NCR1: variants seen among roughly 807,000 people sequenced by gnomAD.
NCR1 encodes the protein NK cell-activating receptor.
In NCR1, 30 loss-of-function variants were observed where a neutral mutation model predicts 32.5. That is an observed-to-expected ratio of 0.92 (90% CI 0.69 to 1.25). The LOEUF (loss-of-function observed/expected upper bound fraction) is 1.25. Ranked by LOEUF, NCR1 falls within the 50% of genes most tolerant of loss-of-function variation. The pLI is 0.00. For missense variants in NCR1, 369 were observed against 380.7 expected (o/e 0.97, Z 0.26); for synonymous variants, 169 against 143.4 (o/e 1.18, Z -1.28).
At chr19:54,928,056 C>T in the NCR1 span, among the ~76,000 whole-genome samples, 1 of 152,116 alleles carries the variant, frequency 6.6e-6, no homozygotes, top group African/African-American at 2.4e-5. Context: ...GGCAAAACCC[C>T]ATCTCTACAA....
the NCR1 span, chr19:54,923,848 C>T: frequency 1.2e-6 from 2 of 1,614,012 alleles, no homozygotes; most frequent in African/African-American, 2.7e-5. Flanking sequence ...TCTTGATTTC[C>T]AAATTAGTTT....
chr19:54,929,837 G>T, the NCR1 span, among the ~76,000 whole-genome samples: 1 of 151,974 alleles, frequency 6.6e-6, no homozygotes, highest in African/African-American at 2.4e-5. Flanking sequence ...GAAATTGGCC[G>T]GGCGTGGTGG....
chr19:54,919,723 C>CA (rs1043487828), downstream of NCR1, among the ~76,000 whole-genome samples: 2 of 147,906 alleles, frequency 1.4e-5, 1 homozygote, highest in Non-Finnish European at 3.0e-5. Context: ...GACCCCCCCC[C>CA]CCACCCGCTG....
chr19:54,917,563 C>T (rs1338969911), downstream of NCR1, among the ~76,000 whole-genome samples: 2 of 152,142 alleles, frequency 1.3e-5, no homozygotes, highest in African/African-American at 2.4e-5. Flanking sequence ...TCATGTGATC[C>T]GCCCACCTTG....
At chr19:54,907,051 T>C (rs1305098636) in intron 3 of NCR1, among the ~76,000 whole-genome samples, 2 of 152,056 alleles carry the variant, frequency 1.3e-5, no homozygotes, top group Non-Finnish European at 2.9e-5. Context: ...TAGATATTTG[T>C]ATGCAGGGGT....
At chr19:54,918,139 G>A (rs1274725429), downstream of NCR1, among the ~76,000 whole-genome samples, 1 of 152,000 alleles carries the variant, frequency 6.6e-6, no homozygotes, top group Non-Finnish European at 1.5e-5. Flanking sequence ...GTTTCACCAT[G>A]TTAGCCAGGA....
At chr19:54,936,875 A>G in the NCR1 span, among the ~76,000 whole-genome samples, 1 of 151,814 alleles carries the variant, frequency 6.6e-6, no homozygotes, top group Non-Finnish European at 1.5e-5. Context: ...AGACCGCACC[A>G]CTGCACTCCA....
Position 54,906,199 on chromosome 19 carries a change from A to G in NCR1, c.12A>G (p.Thr4=). 6.2e-7 allele frequency: 1 copy of G among 1,613,534 alleles called. No individual in the cohort carries two copies. The highest frequency in any genetic ancestry group is 8.5e-7 in the Non-Finnish European group (1 of 1,179,952). MSS[T]LPALLCVGLC... ...GCAGAATCTGAGCGATGTCTTCCAC[A>G]CTCCCTGCCCTGCTCTGCGTCGGTG... Residue 4 remains threonine, a synonymous_variant, in exon 1 of 7, where the codon ACA becomes ACG. Coordinates refer to ENST00000291890, the MANE Select transcript of NCR1 (RefSeq NM_004829.7).
At chr19:54,914,474 G>A (rs1372216729), downstream of NCR1, among the ~76,000 whole-genome samples, 1 of 151,906 alleles carries the variant, frequency 6.6e-6, no homozygotes, top group Non-Finnish European at 1.5e-5. Flanking sequence ...GAATAGCTGG[G>A]ATTATAGGCA....
chr19:54,937,974 T>A, the NCR1 span: 2 of 1,254,196 alleles, frequency 1.6e-6, no homozygotes, highest in Admixed American at 3.4e-5. Context: ...ATTTCCAAAT[T>A]TAAAAAACAA....
chr19:54,930,935 A>C, the NCR1 span, among the ~76,000 whole-genome samples: 1 of 152,020 alleles, frequency 6.6e-6, no homozygotes, highest in Non-Finnish European at 1.5e-5. Context: ...AGGCAGGAGA[A>C]TCGCTTGAAT....
the NCR1 span, among the ~76,000 whole-genome samples, chr19:54,936,639 T>C: frequency 6.7e-6 from 1 of 150,014 alleles, no homozygotes; most frequent in African/African-American, 2.5e-5. Context: ...CTGGGCAACA[T>C]GGTGAAACTC....
At chr19:54,910,200 G>A in intron 5 of NCR1, 135 bp downstream of exon 5, 3 of 819,688 alleles carry the variant, frequency 3.7e-6, no homozygotes, top group South Asian at 1.5e-5. Flanking sequence ...ACTTTGGGAG[G>A]CCGAGATGGT....
chr19:54,904,325 G>A (rs2067413410), upstream of NCR1, among the ~76,000 whole-genome samples: 1 of 151,762 alleles, frequency 6.6e-6, no homozygotes, highest in African/African-American at 2.4e-5. Flanking sequence ...TGTACACAGA[G>A]AAGCCAACGT....
At chr19:54,923,957 A>C in the NCR1 span, 2 of 1,456,576 alleles carry the variant, frequency 1.4e-6, no homozygotes, top group Non-Finnish European at 9.6e-7. Context: ...CAAACACTCA[A>C]AGCAGGAAAC....
At chr19:54,931,422 G>C in the NCR1 span, among the ~76,000 whole-genome samples, 333 of 152,186 alleles carry the variant, frequency 2.2e-3, 1 homozygote, top group African/African-American at 7.8e-3. Context: ...GGGCACGATG[G>C]CTCACACCTG....
chr19:54,913,608 G>T (rs1463151306), downstream of NCR1, among the ~76,000 whole-genome samples: 1 of 152,098 alleles, frequency 6.6e-6, no homozygotes, highest in Non-Finnish European at 1.5e-5. Context: ...GAGGCATTGT[G>T]GCAACAACCA....
At chr19:54,924,017 G>C in the NCR1 span, 1 of 845,602 alleles carries the variant, frequency 1.2e-6, no homozygotes, top group Non-Finnish European at 1.9e-6. Context: ...GCCCAGGCTG[G>C]GGTACAGTGG....
chr19:54,935,443 C>G, the NCR1 span, among the ~76,000 whole-genome samples: 1 of 152,040 alleles, frequency 6.6e-6, no homozygotes, highest in Non-Finnish European at 1.5e-5. Flanking sequence ...TGCCTGTAAT[C>G]CTAGCACTTT....
Sources: allele counts gnomAD v4.1 joint callset (sites outside exome capture counted in the v4.1 genomes callset), GRCh38; gene constraint gnomAD v4.1.1; transcripts MANE v1.5; gene names NCBI Gene and HGNC (gene_info 2026-07-23, HGNC 2026-07-21).